Variants in NELL2 observed in about 807,000 individuals in gnomAD.
NELL2 encodes the protein protein kinase C-binding protein NELL2.
NELL2 carries 41 observed loss-of-function variants against 109.6 expected under a neutral mutation model. That is an observed-to-expected ratio of 0.37 (90% CI 0.29 to 0.49). The LOEUF (loss-of-function observed/expected upper bound fraction) is 0.49. NELL2 is among the 20% of genes least tolerant of loss of function. The pLI, the probability that NELL2 is intolerant of heterozygous loss-of-function variation, is 0.98. For missense variants in NELL2, 900 were observed against 1,008.3 expected (o/e 0.89, Z 1.45); for synonymous variants, 355 against 344.7 (o/e 1.03, Z -0.33).
rs1328493935 is a variant in NELL2, at chr12:44,699,887, A to C, written c.1318+3839T>G. Among the ~76,000 whole-genome samples, 4 of 152,128 alleles carry C rather than the reference A, an allele frequency of 2.6e-5. No homozygotes were observed. In the East Asian group the frequency reaches 5.8e-4, roughly 22 times the overall value. On this transcript the variant is annotated intron_variant, in intron 12 of 19. Transcript: ENST00000429094. ...GCCATCACCAAATAATCTTTTCTAT[A>C]AAATGCTCAAATGTTGCTCAAAACT...
At chr12:44,596,490 C>T (rs963700696) in intron 15 of NELL2, among the ~76,000 whole-genome samples, 2 of 152,046 alleles carry the variant, frequency 1.3e-5, no homozygotes, top group African/African-American at 4.8e-5. Context: ...GTAGGGATTG[C>T]AGTAAGGTCA....
chr12:44,821,846 T>C (rs1193493005), intron 2 of NELL2, among the ~76,000 whole-genome samples: 15 of 152,052 alleles, frequency 9.9e-5, no homozygotes, highest in Admixed American at 9.8e-4. Context: ...ATCTCCCAAG[T>C]AGCTGGAACT....
chr12:44,689,995 T>C (rs1948850229), intron 12 of NELL2, among the ~76,000 whole-genome samples: 1 of 152,154 alleles, frequency 6.6e-6, no homozygotes, highest in Non-Finnish European at 1.5e-5. Context: ...GACTCAAAAA[T>C]AATTTTTAAA....
chr12:44,516,215 T>C (rs868631293), intron 19 of NELL2, among the ~76,000 whole-genome samples: 8 of 152,192 alleles, frequency 5.3e-5, no homozygotes, highest in Middle Eastern at 3.4e-3. Flanking sequence ...AAAGTTACTA[T>C]AACTTATTTA....
intron 1 of NELL2, among the ~76,000 whole-genome samples, chr12:44,906,919 C>A (rs1404879504): frequency 1.3e-5 from 2 of 152,192 alleles, no homozygotes; most frequent in East Asian, 3.9e-4. Context: ...TGTTCCCAGC[C>A]AAATCTCATC....
At chr12:44,793,214 T>A (rs114353011) in intron 3 of NELL2, among the ~76,000 whole-genome samples, 2,196 of 152,264 alleles carry the variant, frequency 0.014, 51 homozygotes, top group African/African-American at 0.05. Flanking sequence ...GTAAACCACC[T>A]GTCGAGAATA....
intron 1 of NELL2, among the ~76,000 whole-genome samples, chr12:44,904,928 C>T (rs1162807143): frequency 6.6e-6 from 1 of 152,018 alleles, no homozygotes. Context: ...GTTATTCTAT[C>T]ATGATTTCCC....
intron 15 of NELL2, among the ~76,000 whole-genome samples, chr12:44,568,293 A>G (rs1943735112): frequency 2.6e-5 from 4 of 152,180 alleles, no homozygotes; most frequent in Non-Finnish European, 5.9e-5. Context: ...AGTGAGAACC[A>G]ACCTTAAGTA....
intron 1 of NELL2, among the ~76,000 whole-genome samples, chr12:44,898,722 G>A (rs368558619): frequency 1.2e-4 from 19 of 152,212 alleles, no homozygotes; most frequent in Middle Eastern, 6.8e-3. Context: ...ACAACTCCTC[G>A]CCAGCAAGGG....
chr12:44,535,258 T>TATTGTAAG (rs1565887148), intron 15 of NELL2, among the ~76,000 whole-genome samples: 1 of 151,994 alleles, frequency 6.6e-6, no homozygotes, highest in Admixed American at 6.6e-5. Flanking sequence ...TGGGGTTACC[T>TATTGTAAG]TCCAATAAAC....
At chr12:44,725,660 A>G (rs904220651) in intron 9 of NELL2, among the ~76,000 whole-genome samples, 2 of 152,230 alleles carry the variant, frequency 1.3e-5, no homozygotes, top group African/African-American at 4.8e-5. Context: ...GCACCATGAA[A>G]CACTATGCAG....
intron 15 of NELL2, among the ~76,000 whole-genome samples, chr12:44,597,098 A>G (rs1592179403): frequency 6.6e-6 from 1 of 152,100 alleles, no homozygotes; most frequent in African/African-American, 2.4e-5. Flanking sequence ...CCTTTTTCCT[A>G]TGGTTCTTGT....
At chr12:44,905,790 A>C (rs1192359505) in intron 1 of NELL2, among the ~76,000 whole-genome samples, 1 of 152,014 alleles carries the variant, frequency 6.6e-6, no homozygotes, top group African/African-American at 2.4e-5. Flanking sequence ...TCCTATACAA[A>C]TATTTTTCTT....
At chr12:44,887,023 A>G (rs1945481068) in intron 1 of NELL2, among the ~76,000 whole-genome samples, 1 of 152,074 alleles carries the variant, frequency 6.6e-6, no homozygotes, top group South Asian at 2.1e-4. Context: ...TCATCCAGTG[A>G]TAGACACTTA....
chr12:44,530,445 T>G (rs1941994511), intron 16 of NELL2, among the ~76,000 whole-genome samples: 1 of 152,202 alleles, frequency 6.6e-6, no homozygotes, highest in Admixed American at 6.5e-5. Context: ...TGCTGGACAG[T>G]GCTGATGGCC....
chr12:44,580,922 A>G (rs907493435), intron 15 of NELL2, among the ~76,000 whole-genome samples: 1 of 152,240 alleles, frequency 6.6e-6, no homozygotes, highest in Non-Finnish European at 1.5e-5. Flanking sequence ...AATTACTGCA[A>G]TATTTTAAAA....
chr12:44,787,468 GA>G (rs1566394836), intron 3 of NELL2, among the ~76,000 whole-genome samples: 1 of 152,158 alleles, frequency 6.6e-6, no homozygotes, highest in Admixed American at 6.5e-5. Flanking sequence ...AATTTATATG[GA>G]AGGACATTTA....
chr12:44,804,084 C>T (rs1461877280), intron 3 of NELL2, among the ~76,000 whole-genome samples: 1 of 151,744 alleles, frequency 6.6e-6, no homozygotes, highest in Non-Finnish European at 1.5e-5. Flanking sequence ...TTTCTACTGG[C>T]TGAATTAAAT....
intron 12 of NELL2, among the ~76,000 whole-genome samples, chr12:44,693,830 G>GA (rs1223344480): frequency 6.6e-6 from 1 of 152,126 alleles, no homozygotes. Flanking sequence ...TGATTCTCAT[G>GA]AAAAAATAAA....
Sources: gnomAD v4.1 joint callset for allele counts (sites outside exome capture counted in the v4.1 genomes callset) on GRCh38, gnomAD v4.1.1 for gene constraint, MANE v1.5 for transcripts, NCBI Gene and HGNC (gene_info 2026-07-23, HGNC 2026-07-21) for gene names.